The following ETV1 variants were observed in gnomAD, a reference collection of about 807,000 sequenced individuals.
ETV1 encodes ETS translocation variant 1.
ETV1 carries 27 observed loss-of-function variants against 62.3 expected under a neutral mutation model. That is an observed-to-expected ratio of 0.43 (90% confidence interval 0.32 to 0.60). The LOEUF (loss-of-function observed/expected upper bound fraction) is 0.60, where lower values mean the gene tolerates loss of function less well. ETV1 is among the 20% of genes least tolerant of loss of function. The pLI is 0.06. For synonymous variants in ETV1, 222 were observed against 199.6 expected, an observed-to-expected ratio of 1.11 and a Z score of -0.94; for missense variants, 605 against 605.8, an observed-to-expected ratio of 1.00 and a Z score of 0.01.
chr7:13,937,938 A>C (rs1283514676), intron 7 of ETV1, among the ~76,000 whole-genome samples: 10 of 152,136 alleles, frequency 6.6e-5, no homozygotes, highest in Admixed American at 6.5e-4. Context: ...ATAATGGCAC[A>C]AGTCTATGTT....
Position 13,911,283 on chromosome 7 carries a change from T to C in ETV1, c.827A>G (p.Tyr276Cys). The C allele has an allele frequency of 6.2e-7, 1 of 1,612,820 alleles. No individual in the cohort carries two copies. The highest frequency in any genetic ancestry group is 1.7e-4 in the Middle Eastern group (1 of 6,056). The change falls in exon 10 of 14, where the codon TAT (tyrosine) becomes TGT (cysteine). Residue 276 changes from tyrosine to cysteine, a missense_variant. Tyr to Cys is a radical substitution (Grantham distance 194). Transcript: ENST00000430479. The part of the protein sequence containing the change: ...DSEVPSCHSI[Y>C]MRQEGFLAHP... ...AGCCAGGAAGCCTTCTTGCCTCATATAAATGGAGTGGCAGCTAGGCACTTC... is the reference window on the plus strand; with the variant it reads ...AGCCAGGAAGCCTTCTTGCCTCATACAAATGGAGTGGCAGCTAGGCACTTC...
intron 6 of ETV1, among the ~76,000 whole-genome samples, chr7:13,945,272 G>C (rs1053563187): frequency 4.6e-5 from 7 of 152,108 alleles, no homozygotes; most frequent in African/African-American, 1.4e-4. Flanking sequence ...AATAGGTCCA[G>C]TAGTTGAAAA....
intron 9 of ETV1, among the ~76,000 whole-genome samples, chr7:13,923,178 T>A (rs991967365): frequency 6.6e-6 from 1 of 152,340 alleles, no homozygotes; most frequent in East Asian, 1.9e-4. Flanking sequence ...TATTTTTATA[T>A]GGATGCAGAA....
In ETV1 at chr7:13,981,661, C is replaced by T. The variant is rs903175225; in HGVS notation, c.182-4181G>A. ...AGACAGAAAGATGCAAAGAAGGTTT[C>T]AAGAAAGGGAAAAGAAAAACCATTA... is the stretch of plus-strand genomic sequence containing the variant. On this transcript the variant is annotated intron_variant, in intron 5 of 13. Coordinates refer to ENST00000430479, the MANE Select transcript of ETV1 (RefSeq NM_004956.5). Among the ~76,000 whole-genome samples the T allele has an allele frequency of 2.6e-5, 4 of 151,856 alleles. No individual in the cohort carries two copies. The South Asian group carries it at 8.3e-4, about 32-fold the overall frequency.
chr7:13,967,904 G>T (rs1362709486), intron 6 of ETV1, among the ~76,000 whole-genome samples: 1 of 151,862 alleles, frequency 6.6e-6, no homozygotes, highest in East Asian at 1.9e-4. Flanking sequence ...AATAATTGTT[G>T]TGTTTACTTT....
chr7:13,972,551 C>A (rs7799104), intron 6 of ETV1, among the ~76,000 whole-genome samples: 113,820 of 152,140 alleles, frequency 0.75, 42,847 homozygotes, highest in African/African-American at 0.82. Context: ...AGGTTCACCT[C>A]TGTTTGAAAT....
At chr7:13,978,776 A>T (rs774046936) in intron 5 of ETV1, among the ~76,000 whole-genome samples, 6 of 152,046 alleles carry the variant, frequency 3.9e-5, no homozygotes, top group Non-Finnish European at 7.4e-5. Flanking sequence ...TATTAGTTTA[A>T]TATTATTCTT....
At chr7:13,959,445 T>G (rs759192716) in intron 6 of ETV1, among the ~76,000 whole-genome samples, 8 of 152,182 alleles carry the variant, frequency 5.3e-5, no homozygotes, top group Non-Finnish European at 1.0e-4. Context: ...AGGAATCATG[T>G]TTTTTAAATA....
chr7:13,988,794 T>C, intron 3 of ETV1: 1 of 1,604,848 alleles, frequency 6.2e-7, no homozygotes, highest in South Asian at 1.1e-5. Flanking sequence ...GAAAAAGGGG[T>C]CTTAAAAACA....
At chr7:13,940,585 C>T (rs1434306487) in intron 6 of ETV1, among the ~76,000 whole-genome samples, 2 of 151,946 alleles carry the variant, frequency 1.3e-5, no homozygotes, top group Non-Finnish European at 2.9e-5. Context: ...AAACACATAA[C>T]AGAGACACAC....
chr7:13,959,368 T>G (rs1402787941), intron 6 of ETV1, among the ~76,000 whole-genome samples: 1 of 152,180 alleles, frequency 6.6e-6, no homozygotes, highest in Non-Finnish European at 1.5e-5. Flanking sequence ...CCCACTCTAC[T>G]GTACCTTAAC....
chr7:13,970,956 C>T (rs1359192703), intron 6 of ETV1, among the ~76,000 whole-genome samples: 1 of 151,314 alleles, frequency 6.6e-6, no homozygotes, highest in Non-Finnish European at 1.5e-5. Flanking sequence ...GCTATTCTTT[C>T]TTTTATTTAT....
In ETV1 at chr7:13,931,626, G is replaced by A. The variant is rs777815073; in HGVS notation, c.678C>T (p.Gly226=). 1.2e-6 allele frequency: 2 copies of A among 1,614,032 alleles called. No homozygotes were observed. The highest frequency in any genetic ancestry group is 1.7e-6 in the Non-Finnish European group (2 of 1,179,902). Residue 226 remains glycine (G), a synonymous_variant, in exon 9 of 14, where the codon GGC becomes GGT. Transcript: ENST00000430479. ...SEPNIPFPPQ[G]FKQEYHDPVY... ...CTGGGTCGTGGTACTCCTGCTTAAA[G>A]CCTTGTGGTGGGAAGGGGATGTTTG...
intron 11 of ETV1, among the ~76,000 whole-genome samples, chr7:13,909,323 G>A (rs781136243): frequency 6.6e-6 from 1 of 152,008 alleles, no homozygotes; most frequent in South Asian, 2.1e-4. Flanking sequence ...AATAAATCTC[G>A]AATAACAAGC....
At chr7:13,983,838 T>TTTTTACAGAGGACTTTACTGAACTGAAA in intron 5 of ETV1, among the ~76,000 whole-genome samples, 1 of 151,938 alleles carries the variant, frequency 6.6e-6, no homozygotes, top group South Asian at 2.1e-4. Flanking sequence ...AATGCAAGTA[T>TTTTTACAGAGGACTTTACTGAACTGAAA]ATTTTTACAG....
At chr7:13,946,292 C>A (rs1230703285) in intron 6 of ETV1, among the ~76,000 whole-genome samples, 1 of 152,142 alleles carries the variant, frequency 6.6e-6, no homozygotes, top group Non-Finnish European at 1.5e-5. Context: ...GGAGGAAAGG[C>A]AGAAAGAACA....
intron 10 of ETV1, among the ~76,000 whole-genome samples, chr7:13,910,131 C>G (rs1783410222): frequency 6.6e-6 from 1 of 151,166 alleles, no homozygotes; most frequent in South Asian, 2.1e-4. Context: ...TGCTCTGAGA[C>G]AGATTTATTT....
At chr7:13,978,119 A>G (rs1164236761) in intron 5 of ETV1, among the ~76,000 whole-genome samples, 1 of 152,194 alleles carries the variant, frequency 6.6e-6, no homozygotes, top group African/African-American at 2.4e-5. Flanking sequence ...ACAATAACAC[A>G]AATGTCATCT....
chr7:13,922,719 A>G (rs759816105), intron 9 of ETV1, among the ~76,000 whole-genome samples: 56 of 152,184 alleles, frequency 3.7e-4, no homozygotes, highest in Non-Finnish European at 6.6e-4. Context: ...TTCAAAATAA[A>G]TATCAGTTAC....
Sources: gnomAD v4.1 joint callset for allele counts (sites outside exome capture counted in the v4.1 genomes callset) on GRCh38, gnomAD v4.1.1 for gene constraint, MANE v1.5 for transcripts, NCBI Gene and HGNC (gene_info 2026-07-23, HGNC 2026-07-21) for gene names.